Variants in RBFOX1 observed in about 807,000 individuals in gnomAD.
The protein encoded by RBFOX1 is RNA binding protein fox-1 homolog 1.
RBFOX1 carries 8 observed loss-of-function variants against 57.7 expected under a neutral mutation model. The ratio of observed to expected loss-of-function variants is 0.14; its 90% confidence interval spans 0.08 to 0.25. The LOEUF is 0.25. Ranked by LOEUF, RBFOX1 falls within the 10% of genes least tolerant of loss-of-function variation. The pLI is 1.00. For missense variants in RBFOX1, 611 were observed against 548.5 expected (o/e 1.11, Z -1.14); for synonymous variants, 326 against 222.4 (o/e 1.47, Z -4.15).
intron 4 of RBFOX1, among the ~76,000 whole-genome samples, chr16:7,271,350 T>TG (rs763935875): frequency 5.3e-5 from 8 of 151,840 alleles, no homozygotes; most frequent in Non-Finnish European, 1.0e-4. Flanking sequence ...TGTTATTTCT[T>TG]GGGGGGAGCT....
At chr16:6,609,205 C>G (rs1382791478) in intron 2 of RBFOX1, among the ~76,000 whole-genome samples, 1 of 152,168 alleles carries the variant, frequency 6.6e-6, no homozygotes, top group Admixed American at 6.5e-5. Flanking sequence ...CACAATTCTG[C>G]CTTCCACAGC....
chr16:7,638,729 C>G (rs1205086385), intron 11 of RBFOX1, among the ~76,000 whole-genome samples: 1 of 152,152 alleles, frequency 6.6e-6, no homozygotes, highest in Non-Finnish European at 1.5e-5. Flanking sequence ...GTACATATAG[C>G]CATAGACTTC....
chr16:7,399,310 G>A (rs1471671002), intron 4 of RBFOX1, among the ~76,000 whole-genome samples: 1 of 151,392 alleles, frequency 6.6e-6, no homozygotes, highest in African/African-American at 2.5e-5. Flanking sequence ...AGCCAAGTGC[G>A]ATGGCGCATG....
chr16:6,585,468 C>T (rs959764200), intron 2 of RBFOX1, among the ~76,000 whole-genome samples: 1 of 152,082 alleles, frequency 6.6e-6, no homozygotes, highest in Non-Finnish European at 1.5e-5. Flanking sequence ...ACCTTAGATC[C>T]CCCATGTCAC....
intron 1 of RBFOX1, among the ~76,000 whole-genome samples, chr16:6,201,596 G>C (rs1192835563): frequency 6.6e-6 from 1 of 152,106 alleles, no homozygotes; most frequent in Non-Finnish European, 1.5e-5. Context: ...GAGGTCTAAT[G>C]TTTGGTGTCA....
At chr16:6,822,224 G>C (rs1017333093) in intron 3 of RBFOX1, among the ~76,000 whole-genome samples, 2 of 152,094 alleles carry the variant, frequency 1.3e-5, no homozygotes, top group Non-Finnish European at 2.9e-5. Flanking sequence ...TTGAAATGCT[G>C]GTATGGCAGA....
At position 6,675,096 on chromosome 16, in the gene RBFOX1, G is replaced by A. The variant is rs188799095; in HGVS notation, c.-16+20446G>A. 4.6e-5 allele frequency among the ~76,000 whole-genome samples: 7 copies of A among 152,004 alleles called. No individual in the cohort carries two copies. In the East Asian group the frequency reaches 1.4e-3, roughly 30 times the overall value. Reference sequence around the variant, plus strand: ...ATTTTTGTATTTTTTTGTAGAGATGGGGTTTCACCATGTTGGCCAGGATGG... The same window carrying A: ...ATTTTTGTATTTTTTTGTAGAGATGAGGTTTCACCATGTTGGCCAGGATGG... On this transcript the variant is annotated intron_variant, in intron 3 of 15. Transcript: ENST00000550418.
chr16:5,871,812 G>A (rs1213750561), intron 4 of RBFOX1, among the ~76,000 whole-genome samples: 1 of 152,206 alleles, frequency 6.6e-6, no homozygotes, highest in African/African-American at 2.4e-5. Flanking sequence ...TAATGGCAAT[G>A]TAAACTCAGT....
At chr16:7,004,082 G>C (rs1480848843) in intron 3 of RBFOX1, 1 of 150,182 alleles carries the variant, frequency 6.7e-6, no homozygotes, top group African/African-American at 2.5e-5. Flanking sequence ...TATCATTCTA[G>C]TTTTAGTATA....
In RBFOX1 at chr16:6,351,140, C is replaced by T. The variant is rs75351491; in HGVS notation, c.-64+34083C>T. On this transcript the variant is annotated intron_variant, in intron 2 of 15. Coordinates refer to ENST00000550418, the MANE Select transcript of RBFOX1 (RefSeq NM_018723.4). ...GACATAATGGAGTCCCTGTCTTGAC[C>T]TGGGGAGGCAGGTTAGCTTACAGGG... 8.1e-3 allele frequency among the ~76,000 whole-genome samples: 1,229 copies of T among 152,008 alleles called. 23 individuals are homozygous for T. Among genetic ancestry groups the T allele is most frequent in the African/African-American group, 0.028 (1,157 of 41,432 alleles).
intron 3 of RBFOX1, among the ~76,000 whole-genome samples, chr16:6,902,831 G>A (rs1233271220): frequency 2.6e-5 from 4 of 152,108 alleles, no homozygotes; most frequent in Non-Finnish European, 4.4e-5. Context: ...ATTGTACACT[G>A]TTTTCCATCT....
At chr16:7,660,576 C>T (rs974869746) in intron 12 of RBFOX1, among the ~76,000 whole-genome samples, 2 of 152,316 alleles carry the variant, frequency 1.3e-5, no homozygotes, top group Middle Eastern at 3.4e-3. Flanking sequence ...CCAGCTCCTC[C>T]ATTAGAATAT....
intron 4 of RBFOX1, among the ~76,000 whole-genome samples, chr16:7,399,097 A>T (rs776986260): frequency 6.6e-6 from 1 of 152,222 alleles, no homozygotes; most frequent in African/African-American, 2.4e-5. Flanking sequence ...ATACTCATGT[A>T]ACAAAGCTGC....
chr16:6,615,208 T>A (rs1220646622), intron 2 of RBFOX1, among the ~76,000 whole-genome samples: 1 of 152,216 alleles, frequency 6.6e-6, no homozygotes, highest in Non-Finnish European at 1.5e-5. Flanking sequence ...TATAAAGGAA[T>A]GAAAACTTCT....
At chr16:5,890,706 A>G (rs954277307) in intron 4 of RBFOX1, among the ~76,000 whole-genome samples, 1 of 150,886 alleles carries the variant, frequency 6.6e-6, no homozygotes, top group African/African-American at 2.4e-5. Context: ...TGAAAAAAAA[A>G]AAAAAAAAAA....
At chr16:7,417,141 G>C (rs553533880) in intron 4 of RBFOX1, among the ~76,000 whole-genome samples, 14 of 152,060 alleles carry the variant, frequency 9.2e-5, no homozygotes, top group Admixed American at 7.9e-4. Flanking sequence ...AGGCGGAGGC[G>C]GGTGGATCAT....
At chr16:5,339,076 G>C (rs1265420473) in intron 1 of RBFOX1, among the ~76,000 whole-genome samples, 3 of 151,774 alleles carry the variant, frequency 2.0e-5, no homozygotes, top group East Asian at 1.9e-4. Flanking sequence ...ATTAACTACA[G>C]TTACCACGAT....
At chr16:7,014,749 G>T (rs2093822386) in intron 3 of RBFOX1, among the ~76,000 whole-genome samples, 1 of 151,990 alleles carries the variant, frequency 6.6e-6, no homozygotes, top group Non-Finnish European at 1.5e-5. Flanking sequence ...TTTCGAGATG[G>T]AGTCTCGCTC....
At chr16:5,386,604 T>A (rs539376314) in intron 1 of RBFOX1, among the ~76,000 whole-genome samples, 3 of 152,292 alleles carry the variant, frequency 2.0e-5, no homozygotes, top group Admixed American at 6.5e-5. Context: ...TGTGTGACCT[T>A]ACCCTTGTCC....
Sources: gnomAD v4.1 joint callset for allele counts (sites outside exome capture counted in the v4.1 genomes callset) on GRCh38, gnomAD v4.1.1 for gene constraint, MANE v1.5 for transcripts, NCBI Gene and HGNC (gene_info 2026-07-23, HGNC 2026-07-21) for gene names.